The following PPFIA2 variants were observed in gnomAD, a reference collection of about 807,000 sequenced individuals.
PPFIA2 encodes liprin-alpha-2.
Under a neutral mutation model 175.5 loss-of-function variants are expected in PPFIA2, and 46 were observed. The ratio of observed to expected loss-of-function variants is 0.26; its 90% CI spans 0.21 to 0.34. PPFIA2 has a LOEUF of 0.34. Among genes scored for constraint, PPFIA2 ranks in the 10% least tolerant of loss-of-function variants. The pLI is 1.00. For missense variants in PPFIA2, 1,179 were observed against 1,506.1 expected (o/e 0.78, Z 3.60); for synonymous variants, 568 against 511.4 (o/e 1.11, Z -1.49).
At position 81,259,544 on chromosome 12, in the gene PPFIA2, C is replaced by T; in HGVS notation, c.*150G>A. 7 of 1,296,904 alleles carry T rather than the reference C, an allele frequency of 5.4e-6. No individual in the cohort carries two copies. The highest frequency in any genetic ancestry group is 7.4e-6 in the Non-Finnish European group (7 of 940,856). The allele number at this position is 1,296,904 out of a possible 1,614,324, so 80.3% of individuals were successfully genotyped here. On this transcript the variant is annotated 3_prime_UTR_variant, in exon 33 of 33. Coordinates refer to ENST00000549396, the MANE Select transcript of PPFIA2 (RefSeq NM_003625.5). Reference sequence around the variant, plus strand: ...TCCCCCCAAAAATCACATTTTTCAGCTTTTAATAAGTCATGACGTCATTAT... The same window carrying T: ...TCCCCCCAAAAATCACATTTTTCAGTTTTTAATAAGTCATGACGTCATTAT...
intron 10 of PPFIA2, 121 bp downstream of exon 10, chr12:81,375,675 T>G (rs2036200980): frequency 9.4e-7 from 1 of 1,063,494 alleles, no homozygotes. Context: ...CTAGAGAATT[T>G]CAAATTTTAG....
intron 4 of PPFIA2, among the ~76,000 whole-genome samples, chr12:81,572,177 G>A (rs770492901): frequency 3.1e-4 from 47 of 151,942 alleles, no homozygotes; most frequent in Admixed American, 6.6e-4. Flanking sequence ...CTTGTCTAGA[G>A]CACTCCACTT....
chr12:81,269,359 T>A (rs964762687), intron 28 of PPFIA2, among the ~76,000 whole-genome samples: 2 of 152,222 alleles, frequency 1.3e-5, no homozygotes, highest in African/African-American at 2.4e-5. Flanking sequence ...CTGTCCATTT[T>A]TTTTCTTTCT....
intron 28 of PPFIA2, among the ~76,000 whole-genome samples, chr12:81,275,451 G>A (rs2040271238): frequency 6.6e-6 from 1 of 151,980 alleles, no homozygotes; most frequent in Non-Finnish European, 1.5e-5. Context: ...AAAGATAAAA[G>A]TAATTTCTGA....
intron 4 of PPFIA2, among the ~76,000 whole-genome samples, chr12:81,471,820 T>C (rs1168837894): frequency 6.6e-6 from 1 of 152,162 alleles, no homozygotes; most frequent in Admixed American, 6.5e-5. Flanking sequence ...TTTCTTTTGC[T>C]TTTCATTTTT....
At position 81,754,156 on chromosome 12, in the gene PPFIA2, G is replaced by T; in HGVS notation, c.66C>A (p.Ser22Arg). The T allele has an allele frequency of 6.2e-7, 1 of 1,613,026 alleles. No individual in the cohort carries two copies. The change falls in exon 3 of 33, where the codon AGC (serine) becomes AGA (arginine). Residue 22 changes from serine (S) to arginine (R), a missense_variant. Physicochemically the swap from Ser to Arg is moderately radical, Grantham distance 110. Transcript: ENST00000549396. ...DTPMSQRGSQ[S>R]SGSDSDSHFE... ...AATGGGAGTCTGAGTCCGAGCCACT[G>T]CTTTGGGACCCCCTTTGGCTCATTG...
At chr12:81,481,420 G>C (rs2058204677) in intron 4 of PPFIA2, among the ~76,000 whole-genome samples, 1 of 152,192 alleles carries the variant, frequency 6.6e-6, no homozygotes, top group South Asian at 2.1e-4. Context: ...CCAATAAAGA[G>C]CCCGCATAGC....
At chr12:81,645,535 C>T (rs1039982350) in intron 4 of PPFIA2, among the ~76,000 whole-genome samples, 3 of 152,040 alleles carry the variant, frequency 2.0e-5, no homozygotes, top group African/African-American at 4.8e-5. Flanking sequence ...AATATTGATC[C>T]CAGGCTAAAA....
At chr12:81,281,481 T>C (rs1278866381) in intron 26 of PPFIA2, 31 bp from the exon 27 acceptor site, 2 of 1,460,122 alleles carry the variant, frequency 1.4e-6, no homozygotes, top group Admixed American at 1.8e-5. Flanking sequence ...TCAAGTTTCT[T>C]AACCAATCAG....
rs1362728819 is a variant in PPFIA2 at position 81,294,846 on chromosome 12, T to C, written c.2914A>G (p.Thr972Ala). Residue 972 changes from threonine to alanine, a missense_variant, in exon 24 of 33, where the codon ACA becomes GCA. Transcript: ENST00000549396. The stretch of plus-strand genomic sequence containing the variant: ...AGAAACTGACTCACAGTTCGAGATG[T>C]TGGAGGAGCTGAAGGACTTGTTAGG... The part of the protein sequence containing the change: ...VSLTSPSAPP[T>A]SRTPSGNVWV... 1.2e-6 allele frequency: 2 copies of C among 1,612,946 alleles called. No individual in the cohort carries two copies. The highest frequency in any genetic ancestry group is 1.1e-5 in the South Asian group (1 of 90,750).
rs533976274 is a variant in PPFIA2, at chr12:81,326,127, T to C, written c.2549-257A>G. On this transcript the variant is annotated intron_variant, in intron 21 of 32. Transcript: ENST00000549396. ...TGGCAACATAATAAATGTGGCCTGT[T>C]CACTGACAAGACACTTAAATATACT... Among the ~76,000 whole-genome samples, 31 of 152,294 alleles carry C rather than the reference T, an allele frequency of 2.0e-4. No homozygotes were observed. In the South Asian group the frequency reaches 6.0e-3, roughly 30 times the overall value.
intron 22 of PPFIA2, among the ~76,000 whole-genome samples, chr12:81,306,974 C>T (rs911820939): frequency 3.9e-5 from 6 of 152,138 alleles, no homozygotes; most frequent in Non-Finnish European, 8.8e-5. Flanking sequence ...TATCTAATTA[C>T]CTTTCCTTCT....
At chr12:81,726,083 A>C (rs1302767171) in intron 3 of PPFIA2, among the ~76,000 whole-genome samples, 2 of 151,154 alleles carry the variant, frequency 1.3e-5, no homozygotes, top group Non-Finnish European at 3.0e-5. Context: ...GAGAACTTCC[A>C]CCAACTCCCC....
Position 81,579,658 on chromosome 12 carries a change from ACT to A in PPFIA2, c.303+97131_303+97132del, listed in dbSNP as rs892271742. On this transcript the variant is annotated intron_variant, in intron 4 of 32. Coordinates refer to ENST00000549396, the MANE Select transcript of PPFIA2 (RefSeq NM_003625.5). ...GGCTTACGAAGGAAATAATTAAATG[ACT>A]TCATCACACAAATCAAAGCACATCT... is the stretch of plus-strand genomic sequence containing the variant. Among the ~76,000 whole-genome samples, 142 of 151,966 alleles carry A rather than the reference ACT, an allele frequency of 9.3e-4. 1 individual carries two copies. The highest frequency in any genetic ancestry group is 3.0e-3 in the African/African-American group (125 of 41,528).
intron 4 of PPFIA2, among the ~76,000 whole-genome samples, chr12:81,524,000 C>G (rs548860181): frequency 6.6e-6 from 1 of 152,324 alleles, no homozygotes; most frequent in African/African-American, 2.4e-5. Context: ...CAAAAGTTCT[C>G]TTATTTTCCA....
chr12:81,735,381 A>T (rs1568061519), intron 3 of PPFIA2, among the ~76,000 whole-genome samples: 1 of 151,824 alleles, frequency 6.6e-6, no homozygotes. Context: ...GCTTATTGAC[A>T]TCTATTTACC....
chr12:81,369,294 T>C (rs767436223), intron 11 of PPFIA2, 100 bp from the exon 12 acceptor site: 4 of 1,534,838 alleles, frequency 2.6e-6, no homozygotes, highest in Non-Finnish European at 3.5e-6. Context: ...TACTACCAAC[T>C]GCAAACATAG....
chr12:81,387,731 T>A (rs1174977036), intron 8 of PPFIA2, among the ~76,000 whole-genome samples: 1 of 152,144 alleles, frequency 6.6e-6, no homozygotes, highest in Non-Finnish European at 1.5e-5. Flanking sequence ...TTATCATACC[T>A]CAGTTATCTC....
At chr12:81,371,550 A>T (rs1257398989) in intron 11 of PPFIA2, among the ~76,000 whole-genome samples, 1 of 151,648 alleles carries the variant, frequency 6.6e-6, no homozygotes, top group Non-Finnish European at 1.5e-5. Flanking sequence ...CTTATTAAAA[A>T]CACATCAAAC....
Sources: gnomAD v4.1 joint callset for allele counts (sites outside exome capture counted in the v4.1 genomes callset) on GRCh38, gnomAD v4.1.1 for gene constraint, MANE v1.5 for transcripts, NCBI Gene and HGNC (gene_info 2026-07-23, HGNC 2026-07-21) for gene names.